FILIP1L: variants seen among roughly 807,000 people sequenced by gnomAD.
FILIP1L encodes the protein filamin A interacting protein 1 like, also known as filamin A-interacting protein 1-like.
A neutral mutation model predicts 96.6 loss-of-function variants in FILIP1L; 55 were observed. The ratio of observed to expected loss-of-function variants is 0.57; its 90% CI spans 0.46 to 0.71. FILIP1L has a LOEUF of 0.71. FILIP1L is among the 30% of genes least tolerant of loss of function. FILIP1L has a pLI of 0.00. For synonymous variants in FILIP1L, 467 were observed against 473.9 expected (o/e 0.99, Z 0.19); for missense variants, 1,304 against 1,321.2 (o/e 0.99, Z 0.20).
intron 1 of FILIP1L, among the ~76,000 whole-genome samples, chr3:100,090,691 G>A (rs1470344952): frequency 6.6e-6 from 1 of 152,092 alleles, no homozygotes; most frequent in Admixed American, 6.5e-5. Context: ...CATGAAATAA[G>A]GCTGTATTTA....
At chr3:99,847,387 T>G (rs1054849321) in intron 5 of FILIP1L, among the ~76,000 whole-genome samples, 1 of 151,982 alleles carries the variant, frequency 6.6e-6, no homozygotes, top group Non-Finnish European at 1.5e-5. Flanking sequence ...TTCAAGAGTT[T>G]ATGTCACAGT....
chr3:99,922,667 C>A (rs1401109917), intron 4 of FILIP1L, among the ~76,000 whole-genome samples: 1 of 152,178 alleles, frequency 6.6e-6, no homozygotes, highest in Non-Finnish European at 1.5e-5. Flanking sequence ...TCCATCTTTT[C>A]AGTATCAATA....
intron 5 of FILIP1L, among the ~76,000 whole-genome samples, chr3:99,843,903 T>G (rs1199783321): frequency 6.6e-6 from 1 of 152,216 alleles, no homozygotes; most frequent in African/African-American, 2.4e-5. Context: ...GAACTGCACA[T>G]GCGAGGGGTC....
At position 99,829,246 on chromosome 3, in the gene FILIP1L, T is replaced by C. The variant is rs918796443; in HGVS notation, c.*1168A>G. Among the ~76,000 whole-genome samples, 49 of 152,152 alleles carry C rather than the reference T, an allele frequency of 3.2e-4. No homozygotes were observed. Among genetic ancestry groups the C allele is most frequent in the African/African-American group, 1.1e-3 (46 of 41,432 alleles). On this transcript the variant is annotated 3_prime_UTR_variant, in exon 6 of 6. Coordinates refer to ENST00000477258, the MANE Select transcript of FILIP1L (RefSeq NM_001387850.1). The stretch of plus-strand genomic sequence containing the variant: ...TCCATTGATTTTTTTCCCCCCTCGA[T>C]TGAAGCTTTTTGAAATGTTTTTTGA...
chr3:99,887,428 C>T (rs1376152224), intron 4 of FILIP1L, among the ~76,000 whole-genome samples: 2 of 152,160 alleles, frequency 1.3e-5, no homozygotes, highest in African/African-American at 4.8e-5. Context: ...TCTCATGGAG[C>T]AGAGCTGGGC....
intron 1 of FILIP1L, among the ~76,000 whole-genome samples, chr3:100,070,373 T>C (rs2065740686): frequency 6.6e-6 from 1 of 152,226 alleles, no homozygotes; most frequent in African/African-American, 2.4e-5. Context: ...TTCTAATTAA[T>C]GAAATTTTAA....
At chr3:100,041,880 A>C (rs374959336) in intron 1 of FILIP1L, among the ~76,000 whole-genome samples, 1 of 152,144 alleles carries the variant, frequency 6.6e-6, no homozygotes. Context: ...CCCCAACTAC[A>C]ATTTGATTTA....
intron 1 of FILIP1L, among the ~76,000 whole-genome samples, chr3:100,026,873 A>T (rs535361456): frequency 6.6e-6 from 1 of 152,148 alleles, no homozygotes; most frequent in African/African-American, 2.4e-5. Flanking sequence ...ACAATCCTCC[A>T]AAGTCTCCGC....
At position 100,070,820 on chromosome 3, in the gene FILIP1L, C is replaced by T. The variant is rs553970383; in HGVS notation, c.-11+43233G>A. Among the ~76,000 whole-genome samples, 15 of 152,042 alleles carry T rather than the reference C, an allele frequency of 9.9e-5. No homozygotes were observed. The South Asian group carries it at 2.3e-3, about 23-fold the overall frequency. ...CTAATTTTGTATTTTTAGTAGAGAC[C>T]GGGTCTCACCATGTTGGCCAGGATA... is the stretch of plus-strand genomic sequence containing the variant. On this transcript the variant is annotated intron_variant, in intron 1 of 5. Transcript: ENST00000477258.
At chr3:99,844,110 T>G (rs962122682) in intron 5 of FILIP1L, among the ~76,000 whole-genome samples, 1 of 151,866 alleles carries the variant, frequency 6.6e-6, no homozygotes, top group Non-Finnish European at 1.5e-5. Context: ...GACTGGGAGC[T>G]GTGGCTCACT....
At chr3:100,014,895 C>CTTTTTTTTTTTTTTTTTT (rs1233573719) in intron 1 of FILIP1L, among the ~76,000 whole-genome samples, 2 of 25,006 alleles carry the variant, frequency 8.0e-5, no homozygotes, top group Non-Finnish European at 1.4e-4. Flanking sequence ...TTCTTTCTTT[C>CTTTTTTTTTTTTTTTTTT]TTTTTTTTTT....
At chr3:99,866,901 C>T (rs1443093129) in intron 4 of FILIP1L, among the ~76,000 whole-genome samples, 1 of 152,196 alleles carries the variant, frequency 6.6e-6, no homozygotes, top group Non-Finnish European at 1.5e-5. Context: ...TGTCCTCTTG[C>T]ATGCTTTGTA....
At chr3:99,967,652 G>T (rs1164399490) in intron 1 of FILIP1L, among the ~76,000 whole-genome samples, 1 of 152,158 alleles carries the variant, frequency 6.6e-6, no homozygotes, top group Non-Finnish European at 1.5e-5. Flanking sequence ...GACATTTTTT[G>T]ATAACGTTCT....
chr3:99,956,696 A>G (rs1449508284), intron 1 of FILIP1L, among the ~76,000 whole-genome samples: 2 of 152,160 alleles, frequency 1.3e-5, no homozygotes, highest in Non-Finnish European at 2.9e-5. Context: ...AATCTTGCCC[A>G]TCAAATACCC....
At chr3:100,052,048 A>G (rs2065383535) in intron 1 of FILIP1L, among the ~76,000 whole-genome samples, 1 of 151,860 alleles carries the variant, frequency 6.6e-6, no homozygotes, top group Admixed American at 6.6e-5. Context: ...CCCTTAAATG[A>G]TCTATATTAT....
chr3:99,885,823 C>T (rs942448915), intron 4 of FILIP1L, among the ~76,000 whole-genome samples: 4 of 152,158 alleles, frequency 2.6e-5, no homozygotes, highest in African/African-American at 7.2e-5. Flanking sequence ...TGTACATTTA[C>T]CAACTACTAC....
chr3:99,886,873 G>A (rs555885525), intron 4 of FILIP1L, among the ~76,000 whole-genome samples: 7 of 151,978 alleles, frequency 4.6e-5, no homozygotes, highest in Admixed American at 2.0e-4. Flanking sequence ...AGGAGGCTGA[G>A]GCAGGAGAAT....
At chr3:100,019,226 G>A (rs1192960706) in intron 1 of FILIP1L, among the ~76,000 whole-genome samples, 1 of 152,168 alleles carries the variant, frequency 6.6e-6, no homozygotes, top group East Asian at 1.9e-4. Flanking sequence ...GCCTGGTATG[G>A]TGGCACATGT....
intron 1 of FILIP1L, among the ~76,000 whole-genome samples, chr3:99,941,546 A>G (rs1166420054): frequency 6.6e-6 from 1 of 152,206 alleles, no homozygotes; most frequent in African/African-American, 2.4e-5. Flanking sequence ...GGAGGTGTTC[A>G]ATGGTGAAAA....
Sources: gnomAD v4.1 joint callset for allele counts (sites outside exome capture counted in the v4.1 genomes callset) on GRCh38, gnomAD v4.1.1 for gene constraint, MANE v1.5 for transcripts, NCBI Gene and HGNC (gene_info 2026-07-23, HGNC 2026-07-21) for gene names.